The following ROCK1 variants were observed in gnomAD, a reference collection of about 807,000 sequenced individuals.
ROCK1 encodes Rho associated coiled-coil containing protein kinase 1.
ROCK1 carries 36 observed loss-of-function variants against 196.8 expected under a neutral mutation model. The ratio of observed to expected loss-of-function variants is 0.18; its 90% CI spans 0.14 to 0.24. The LOEUF (loss-of-function observed/expected upper bound fraction) is 0.24. Ranked by LOEUF, ROCK1 falls within the 10% of genes least tolerant of loss-of-function variation. ROCK1 has a pLI of 1.00. For synonymous variants in ROCK1, 443 were observed against 515.9 expected (o/e 0.86, Z 1.91); for missense variants, 920 against 1,562.0 (o/e 0.59, Z 6.93).
chr18:21,020,325 C>A (rs746121039), intron 11 of ROCK1, 86 bp from the exon 12 acceptor site: 75 of 611,698 alleles, frequency 1.2e-4, no homozygotes, highest in Non-Finnish European at 1.7e-4. Flanking sequence ...ATATTTTAAA[C>A]CTTTTTAGAA....
intron 4 of ROCK1, 46 bp downstream of exon 4, chr18:21,049,046 A>C: frequency 6.9e-7 from 1 of 1,445,868 alleles, no homozygotes; most frequent in Non-Finnish European, 9.2e-7. Context: ...AGACATGTTT[A>C]GTTACAAACT....
rs757701746 is a variant in ROCK1, at chr18:21,044,062, T to C, written c.675+40A>G. The C allele has an allele frequency of 5.4e-6, 7 of 1,292,410 alleles. No homozygotes were observed. The South Asian group carries it at 7.4e-5, about 14-fold the overall frequency. 80.1% of individuals were successfully genotyped at this position (1,292,410 alleles called of 1,614,324 possible). A position where few individuals can be genotyped will look rare whatever the true frequency, so the allele number is the denominator to read the frequency against. On this transcript the variant is annotated intron_variant, in intron 6 of 32. Transcript: ENST00000399799. ...ACCATTTTCTAAAGAAGCATCTACC[T>C]TGAATTAGCAAAAACTAAATTAAAA...
At chr18:21,060,608 G>A (rs1408924065) in intron 2 of ROCK1, among the ~76,000 whole-genome samples, 3 of 152,124 alleles carry the variant, frequency 2.0e-5, no homozygotes, top group Non-Finnish European at 4.4e-5. Flanking sequence ...GGGAGGCCGA[G>A]GCAGACAGAG....
chr18:21,069,731 A>G (rs2036367614), intron 2 of ROCK1, among the ~76,000 whole-genome samples: 1 of 152,174 alleles, frequency 6.6e-6, no homozygotes. Context: ...GGAGGTAAGC[A>G]ACTGTAAATA....
chr18:21,082,044 T>C (rs2036486970), intron 1 of ROCK1, among the ~76,000 whole-genome samples: 2 of 152,186 alleles, frequency 1.3e-5, no homozygotes, highest in South Asian at 4.1e-4. Flanking sequence ...CTCTGCTTCC[T>C]GGACTTCAAG....
chr18:21,055,393 C>G (rs1301329124), intron 2 of ROCK1, among the ~76,000 whole-genome samples: 1 of 152,128 alleles, frequency 6.6e-6, no homozygotes, highest in East Asian at 1.9e-4. Context: ...CCCACTGATC[C>G]TCGTTCACAG....
chr18:21,008,722 T>C (rs2035789953), intron 13 of ROCK1, among the ~76,000 whole-genome samples: 1 of 152,226 alleles, frequency 6.6e-6, no homozygotes, highest in African/African-American at 2.4e-5. Context: ...TAAGCAGAAA[T>C]TGGACATAAA....
chr18:20,973,372 G>A (rs553719181), intron 22 of ROCK1, among the ~76,000 whole-genome samples: 11 of 151,756 alleles, frequency 7.2e-5, no homozygotes, highest in Non-Finnish European at 1.5e-4. Context: ...TCGCCTCCCA[G>A]GTTCAAGCGA....
chr18:21,084,461 A>C (rs111270192), intron 1 of ROCK1, among the ~76,000 whole-genome samples: 130 of 152,338 alleles, frequency 8.5e-4, no homozygotes, highest in African/African-American at 2.8e-3. Context: ...TTGAATAAAA[A>C]CGTCTCCAAA....
intron 1 of ROCK1, among the ~76,000 whole-genome samples, chr18:21,093,955 C>CAAA (rs67567031): frequency 2.1e-5 from 3 of 140,408 alleles, no homozygotes; most frequent in African/African-American, 2.6e-5. Context: ...GACTCAATCT[C>CAAA]AAAAAAAAAA....
At chr18:21,053,122 T>G (rs114146953) in intron 2 of ROCK1, among the ~76,000 whole-genome samples, 4,582 of 152,298 alleles carry the variant, frequency 0.03, 243 homozygotes, top group African/African-American at 0.1. Context: ...CCCAATTCTT[T>G]GAGCAGCTAT....
At chr18:21,039,622 C>CCACAAATAAACCTGGA in intron 8 of ROCK1, 59 bp from the exon 9 acceptor site, 2 of 1,207,946 alleles carry the variant, frequency 1.7e-6, no homozygotes, top group Non-Finnish European at 2.5e-6. Flanking sequence ...TATAACCTGT[C>CCACAAATAAACCTGGA]CAGGTTTATT....
intron 1 of ROCK1, among the ~76,000 whole-genome samples, chr18:21,072,167 T>C (rs2036391176): frequency 6.6e-6 from 1 of 152,222 alleles, no homozygotes; most frequent in African/African-American, 2.4e-5. Context: ...GAGTTTTGCG[T>C]GACCAAGTAT....
chr18:20,989,873 G>A (rs2035608263), intron 18 of ROCK1, among the ~76,000 whole-genome samples: 1 of 152,040 alleles, frequency 6.6e-6, no homozygotes. Flanking sequence ...CCTAAAACTG[G>A]AGTGATAAAG....
chr18:21,051,127 T>C (rs963230112), intron 2 of ROCK1, among the ~76,000 whole-genome samples: 1 of 152,130 alleles, frequency 6.6e-6, no homozygotes, highest in African/African-American at 2.4e-5. Flanking sequence ...AACTGAATAG[T>C]AGCGGTTAGC....
At chr18:21,003,892 G>C (rs2035747182) in intron 16 of ROCK1, among the ~76,000 whole-genome samples, 2 of 151,824 alleles carry the variant, frequency 1.3e-5, no homozygotes, top group South Asian at 4.2e-4. Flanking sequence ...AAGCACTTCT[G>C]GTTCCAAGCA....
chr18:21,033,366 C>G (rs1449890021), intron 9 of ROCK1, among the ~76,000 whole-genome samples: 1 of 152,128 alleles, frequency 6.6e-6, no homozygotes, highest in Admixed American at 6.5e-5. Flanking sequence ...GAAAATCCCA[C>G]AGCTAACATT....
chr18:21,020,209 G>A lies in ROCK1; in HGVS notation c.1303C>T (p.Leu435=). ...ATTTCATTATGCAGCTGTTCTTCCA[G>A]CTTATAGATTGTTTTTTGCAAACTT... ...QESLQKTIYK[L]EEQLHNEMQL... Residue 435 remains leucine (L), a synonymous_variant, in exon 12 of 33, where the codon CTG becomes TTG. Transcript: ENST00000399799. 6.3e-7 allele frequency: 1 copy of A among 1,592,622 alleles called. No individual in the cohort carries two copies. The highest frequency in any genetic ancestry group is 8.5e-7 in the Non-Finnish European group (1 of 1,173,384).
At chr18:20,974,638 G>A (rs2035461761) in intron 22 of ROCK1, among the ~76,000 whole-genome samples, 1 of 151,996 alleles carries the variant, frequency 6.6e-6, no homozygotes, top group Non-Finnish European at 1.5e-5. Context: ...TAATATTTAA[G>A]GTCAATCTCT....
Sources: allele counts gnomAD v4.1 joint callset (sites outside exome capture counted in the v4.1 genomes callset), GRCh38; gene constraint gnomAD v4.1.1; transcripts MANE v1.5; gene names NCBI Gene and HGNC (gene_info 2026-07-23, HGNC 2026-07-21).